The following XXYLT1 variants were observed in gnomAD, a reference collection of about 807,000 sequenced individuals.
XXYLT1 encodes xyloside xylosyltransferase 1.
In XXYLT1, 20 loss-of-function variants were observed where a neutral mutation model predicts 28.9. The ratio of observed to expected loss-of-function variants is 0.69; its 90% CI spans 0.49 to 1.00. The LOEUF (loss-of-function observed/expected upper bound fraction) is 1.00. Ranked by LOEUF, XXYLT1 falls within the 50% of genes least tolerant of loss-of-function variation. The pLI, the probability that XXYLT1 is intolerant of heterozygous loss-of-function variation, is 0.00. For synonymous variants in XXYLT1, 257 were observed against 253.8 expected (o/e 1.01, Z -0.12); for missense variants, 542 against 560.1 (o/e 0.97, Z 0.33).
At position 195,117,520 on chromosome 3, in the gene XXYLT1, A is replaced by G. The variant is rs575859777; in HGVS notation, c.785+38929T>C. ...ATGTATCTATGTGTTGATGTGTGTCATAAGTGTCTATGACTTTTATAAGCA... is the reference window on the plus strand; with the variant it reads ...ATGTATCTATGTGTTGATGTGTGTCGTAAGTGTCTATGACTTTTATAAGCA... On this transcript the variant is annotated intron_variant, in intron 3 of 3. Coordinates refer to ENST00000310380, the MANE Select transcript of XXYLT1 (RefSeq NM_152531.5). 1.2e-4 allele frequency among the ~76,000 whole-genome samples: 18 copies of G among 152,352 alleles called. No homozygotes were observed. The South Asian group carries it at 3.7e-3, about 32-fold the overall frequency.
chr3:195,252,745 G>GAA (rs1320077888), intron 1 of XXYLT1, among the ~76,000 whole-genome samples: 14 of 151,534 alleles, frequency 9.2e-5, no homozygotes, highest in African/African-American at 2.9e-4. Flanking sequence ...GAGAGAGAGA[G>GAA]AGAGAGAGAG....
chr3:195,104,562 G>C (rs570964760), intron 3 of XXYLT1, among the ~76,000 whole-genome samples: 51 of 152,274 alleles, frequency 3.3e-4, no homozygotes, highest in Non-Finnish European at 6.9e-4. Context: ...CAAGCTCCCA[G>C]AGAGCAAGGC....
intron 3 of XXYLT1, among the ~76,000 whole-genome samples, chr3:195,082,520 G>A (rs892630477): frequency 6.6e-6 from 1 of 152,180 alleles, no homozygotes; most frequent in African/African-American, 2.4e-5. Flanking sequence ...ACGGAACCTC[G>A]TGGGAGTACA....
Position 195,173,415 on chromosome 3 carries a change from G to A in XXYLT1, c.653-16834C>T, listed in dbSNP as rs749966353. 3.9e-5 allele frequency among the ~76,000 whole-genome samples: 6 copies of A among 152,162 alleles called. No homozygotes were observed. The highest frequency in any genetic ancestry group is 7.4e-5 in the Non-Finnish European group (5 of 68,022). Reference sequence around the variant, plus strand: ...CATTCTCCTTTGTGTTGTTACCTAGGAGGTGCTCGACACTAAGTAACATTC... The same window carrying A: ...CATTCTCCTTTGTGTTGTTACCTAGAAGGTGCTCGACACTAAGTAACATTC... On this transcript the variant is annotated intron_variant, in intron 2 of 3. Transcript: ENST00000310380. This position sits in a 1 kb window ranked among gnomAD's most constrained non-coding sequence, Gnocchi z 4.3.
intron 3 of XXYLT1, among the ~76,000 whole-genome samples, chr3:195,072,651 G>A (rs1269816408): frequency 6.6e-6 from 1 of 152,174 alleles, no homozygotes; most frequent in African/African-American, 2.4e-5. Flanking sequence ...GGAAAGGAGG[G>A]ACAGGAAATT....
intron 2 of XXYLT1, among the ~76,000 whole-genome samples, chr3:195,162,155 C>T (rs1397720229): frequency 6.6e-6 from 1 of 151,716 alleles, no homozygotes; most frequent in Non-Finnish European, 1.5e-5. Context: ...TATAATAATC[C>T]AAGATCACGC....
intron 2 of XXYLT1, among the ~76,000 whole-genome samples, chr3:195,190,512 A>C (rs1367364297): frequency 6.6e-6 from 1 of 151,370 alleles, no homozygotes. Context: ...AAAAAAAAAA[A>C]AAAAAAACTA....
chr3:195,186,179 C>T (rs1179745748), intron 2 of XXYLT1, among the ~76,000 whole-genome samples: 1 of 152,218 alleles, frequency 6.6e-6, no homozygotes, highest in African/African-American at 2.4e-5. Flanking sequence ...ATTGCTGGTT[C>T]CCTCACCACA....
At chr3:195,175,617 T>A in intron 2 of XXYLT1, 1 of 1,536,118 alleles carries the variant, frequency 6.5e-7, no homozygotes, top group East Asian at 2.4e-5. Context: ...GTAACAGACA[T>A]CGCTAGTGCT....
chr3:195,069,760 G>C lies in XXYLT1; in HGVS notation c.1137C>G (p.Val379=), dbSNP rs1322326212. 8.7e-6 allele frequency: 14 copies of C among 1,613,922 alleles called. No homozygotes were observed. The highest frequency in any genetic ancestry group is 2.7e-5 in the African/African-American group (2 of 74,938). The change falls in exon 4 of 4, where the codon GTC becomes GTG. Residue 379 remains valine (V), a synonymous_variant. Transcript: ENST00000310380. ...FEAYFRCEGH[V]KIYHGNCNTP... ...TGTTGCAGTTCCCGTGGTAGATCTTGACGTGGCCCTCACACCTGAAATAGG... is the reference window on the plus strand; with the variant it reads ...TGTTGCAGTTCCCGTGGTAGATCTTCACGTGGCCCTCACACCTGAAATAGG...
rs939590536 is a variant in XXYLT1, at chr3:195,210,896, C to A, written c.652+15813G>T. On this transcript the variant is annotated intron_variant, in intron 2 of 3. Transcript: ENST00000310380. This position sits in a 1 kb window ranked among gnomAD's most constrained non-coding sequence, Gnocchi z 4.8. ...CACACCAAGAACCCCTGCTCCTCCC[C>A]CCAGCTGAACGCTGACAGTCAAGGG... is the stretch of plus-strand genomic sequence containing the variant. 6.6e-6 allele frequency among the ~76,000 whole-genome samples: 1 copy of A among 152,192 alleles called. No homozygotes were observed. The highest frequency in any genetic ancestry group is 6.5e-5 in the Admixed American group (1 of 15,282).
rs182491575 is a variant in XXYLT1, at chr3:195,150,560, C to G, written c.785+5889G>C. 6.6e-6 allele frequency among the ~76,000 whole-genome samples: 1 copy of G among 152,330 alleles called. No homozygotes were observed. The highest frequency in any genetic ancestry group is 1.9e-4 in the East Asian group (1 of 5,178). On this transcript the variant is annotated intron_variant, in intron 3 of 3. Coordinates refer to ENST00000310380, the MANE Select transcript of XXYLT1 (RefSeq NM_152531.5). This position sits in a 1 kb window ranked among gnomAD's most constrained non-coding sequence, Gnocchi z 4.7. ...AAAATACTTAACACAAAAGCGAATT[C>G]CCGCCTGGTGGCATGTTATCAGCAG...
chr3:195,110,467 G>T (rs879674591), intron 3 of XXYLT1, among the ~76,000 whole-genome samples: 3,236 of 140,096 alleles, frequency 0.023, 68 homozygotes, highest in East Asian at 0.077. Context: ...GTGGTGTGTG[G>T]GTGAGGTGTG....
In XXYLT1 at chr3:195,253,584, C is replaced by T. The variant is rs77240975; in HGVS notation, c.504+16971G>A. ...TGTGATTTTGGTTCACTGCAACCTC[C>T]GCCTCCTGGGTTCAGGCAATTCTCC... On this transcript the variant is annotated intron_variant, in intron 1 of 3. Transcript: ENST00000310380. 4.0e-4 allele frequency among the ~76,000 whole-genome samples: 61 copies of T among 151,044 alleles called. No individual in the cohort carries two copies. The East Asian group carries it at 9.5e-3, about 24-fold the overall frequency.
rs397687248 is a variant in XXYLT1 at position 195,150,898 on chromosome 3, T to TCCCTCC, written c.785+5550_785+5551insGGAGGG. 2.3e-4 allele frequency among the ~76,000 whole-genome samples: 34 copies of TCCCTCC among 150,840 alleles called. No individual in the cohort carries two copies. Among genetic ancestry groups the TCCCTCC allele is most frequent in the African/African-American group, 7.1e-4 (29 of 40,736 alleles). On this transcript the variant is annotated intron_variant, in intron 3 of 3. Transcript: ENST00000310380. The surrounding 1 kb of genome is among the most constrained non-coding windows in gnomAD (Gnocchi z 4.7). ...CTCCCTCTCCCTCTCCCTCTCTCTCTCTCCATCACTCCAGGGTCAGCAGGA... is the reference window on the plus strand; with the variant it reads ...CTCCCTCTCCCTCTCCCTCTCTCTCTCCCTCCCTCCATCACTCCAGGGTCAGCAGGA...
At chr3:195,112,517 CACACACACACAG>C (rs1717800915) in intron 3 of XXYLT1, among the ~76,000 whole-genome samples, 1 of 48,012 alleles carries the variant, frequency 2.1e-5, no homozygotes, top group Admixed American at 2.7e-4. Context: ...CACACACCCA[CACACACACACAG>C]AGCCCCCAGC....
intron 1 of XXYLT1, among the ~76,000 whole-genome samples, chr3:195,238,373 C>G (rs1193734387): frequency 1.3e-5 from 2 of 152,174 alleles, no homozygotes; most frequent in Non-Finnish European, 2.9e-5. Context: ...TTCCTAACAC[C>G]CTGCATCGCA....
At position 195,129,123 on chromosome 3, in the gene XXYLT1, G is replaced by C. The variant is rs1470169845; in HGVS notation, c.785+27326C>G. ...TACCCTGGAAAAAATATTGTGTGGG[G>C]GGAAGGTCGCGGCTAACATAGAGAG... On this transcript the variant is annotated intron_variant, in intron 3 of 3. Transcript: ENST00000310380. The surrounding 1 kb of genome is among the most constrained non-coding windows in gnomAD (Gnocchi z 4.4). Among the ~76,000 whole-genome samples, 1 of 152,190 alleles carries C rather than the reference G, an allele frequency of 6.6e-6. No homozygotes were observed. Among genetic ancestry groups the C allele is most frequent in the African/African-American group, 2.4e-5 (1 of 41,442 alleles).
chr3:195,146,630 C>T (rs946528139), intron 3 of XXYLT1: 1 of 152,280 alleles, frequency 6.6e-6, no homozygotes, highest in Admixed American at 6.5e-5. Context: ...CCAAACACCA[C>T]TCCGAGAGAC....
Sources: allele counts gnomAD v4.1 joint callset (sites outside exome capture counted in the v4.1 genomes callset), GRCh38; gene constraint gnomAD v4.1.1; non-coding constraint Gnocchi (gnomAD v3.1); transcripts MANE v1.5; gene names NCBI Gene and HGNC (gene_info 2026-07-23, HGNC 2026-07-21).